The following GNB1 variants were observed in gnomAD, a reference collection of about 807,000 sequenced individuals.
GNB1 encodes the protein G protein subunit beta 1, also known as guanine nucleotide-binding protein G(I)/G(S)/G(T) subunit beta-1.
Under a neutral mutation model 42.9 loss-of-function variants are expected in GNB1, and 2 were observed. The observed-to-expected ratio is 0.05, with a 90% CI of 0.02 to 0.15. The LOEUF is 0.15. Among genes scored for constraint, GNB1 ranks in the 10% least tolerant of loss-of-function variants. GNB1 has a pLI of 1.00. For missense variants in GNB1, 193 were observed against 462.2 expected (o/e 0.42, Z 5.34); for synonymous variants, 183 against 174.7 (o/e 1.05, Z -0.38).
At chr1:1,848,042 G>C (rs888622393) in intron 1 of GNB1, among the ~76,000 whole-genome samples, 1 of 148,428 alleles carries the variant, frequency 6.7e-6, no homozygotes, top group Non-Finnish European at 1.5e-5. Context: ...TAAAACTAAA[G>C]CATACAACAG....
intron 3 of GNB1, among the ~76,000 whole-genome samples, chr1:1,823,517 A>G (rs1358111967): frequency 6.6e-6 from 1 of 152,188 alleles, no homozygotes; most frequent in Non-Finnish European, 1.5e-5. Context: ...ATCAAACTAA[A>G]TATTTCAGAA....
At position 1,847,105 on chromosome 1, in the gene GNB1, TAGTA is replaced by T. The variant is rs1165625338; in HGVS notation, c.-95-7871_-95-7868del. On this transcript the variant is annotated intron_variant, in intron 1 of 11. Transcript: ENST00000378609. ...AAAAACTGCCACAAAGGACACTTATTAGTAAGGAAGAAAAGTGAGCCCCAGCACT... is the reference window on the plus strand; with the variant it reads ...AAAAACTGCCACAAAGGACACTTATTAGGAAGAAAAGTGAGCCCCAGCACT... 2.0e-5 allele frequency among the ~76,000 whole-genome samples: 3 copies of T among 151,704 alleles called. No individual in the cohort carries two copies. In the East Asian group the frequency reaches 5.8e-4, roughly 29 times the overall value.
At chr1:1,803,226 A>T (rs1340585061) in intron 7 of GNB1, among the ~76,000 whole-genome samples, 1 of 152,246 alleles carries the variant, frequency 6.6e-6, no homozygotes, top group Non-Finnish European at 1.5e-5. Context: ...GCCTTTCATG[A>T]TGAATTAGTG....
intron 10 of GNB1, 66 bp downstream of exon 10, chr1:1,788,986 TC>T: frequency 8.8e-7 from 1 of 1,133,308 alleles, no homozygotes; most frequent in East Asian, 2.4e-5. Context: ...ATGCAACCAC[TC>T]TGTGTTTGCT....
chr1:1,868,169 T>C (rs1389891473), intron 1 of GNB1, among the ~76,000 whole-genome samples: 1 of 152,052 alleles, frequency 6.6e-6, no homozygotes, highest in African/African-American at 2.4e-5. Flanking sequence ...ATATAGTGTG[T>C]GTTTTGTTTT....
In GNB1 at chr1:1,852,686, G is replaced by GA. The variant is rs796226364; in HGVS notation, c.-95-13449dup. ...GCAACAGTGAGACTCTGTCTCTTAA[G>GA]AAAAAAAAAAAAAAGTGAATGTCTT... is the stretch of plus-strand genomic sequence containing the variant. On this transcript the variant is annotated intron_variant, in intron 1 of 11. Coordinates refer to ENST00000378609, the MANE Select transcript of GNB1 (RefSeq NM_002074.5). 6.2e-3 allele frequency among the ~76,000 whole-genome samples: 816 copies of GA among 131,930 alleles called. 3 individuals are homozygous for GA. The highest frequency in any genetic ancestry group is 0.012 in the African/African-American group (417 of 35,828). 86.6% of individuals were successfully genotyped at this position (131,930 alleles called of 152,430 possible).
At chr1:1,869,402 G>A (rs1473611747) in intron 1 of GNB1, among the ~76,000 whole-genome samples, 1 of 151,996 alleles carries the variant, frequency 6.6e-6, no homozygotes, top group Non-Finnish European at 1.5e-5. Flanking sequence ...ATGCCCAAGA[G>A]CTTAATTACA....
chr1:1,823,005 G>A (rs1399025979), intron 3 of GNB1, among the ~76,000 whole-genome samples: 2 of 152,052 alleles, frequency 1.3e-5, no homozygotes, highest in Admixed American at 6.6e-5. Context: ...CACTTTGGGA[G>A]GCCGAGGTGG....
At chr1:1,880,431 AC>A (rs1431346489) in intron 1 of GNB1, among the ~76,000 whole-genome samples, 1 of 152,020 alleles carries the variant, frequency 6.6e-6, no homozygotes, top group East Asian at 1.9e-4. Context: ...TACTAAAAAT[AC>A]AAAAAATTAG....
At chr1:1,871,597 TCA>T in intron 1 of GNB1, among the ~76,000 whole-genome samples, 1 of 152,098 alleles carries the variant, frequency 6.6e-6, no homozygotes, top group African/African-American at 2.4e-5. Context: ...CCACCGACCA[TCA>T]CAAAAACAGA....
At chr1:1,841,773 G>A (rs1647251145) in intron 1 of GNB1, among the ~76,000 whole-genome samples, 1 of 152,146 alleles carries the variant, frequency 6.6e-6, no homozygotes, top group South Asian at 2.1e-4. Context: ...AAATGAGTGT[G>A]GAAGGAAAAC....
intron 1 of GNB1, among the ~76,000 whole-genome samples, chr1:1,868,015 C>T (rs1649038579): frequency 6.6e-6 from 1 of 152,182 alleles, no homozygotes; most frequent in African/African-American, 2.4e-5. Flanking sequence ...GAACTCCCCT[C>T]AAATATTTAC....
rs1231842600 is a variant in GNB1, at chr1:1,804,503, C to T, written c.346G>A (p.Gly116Ser). The T allele has an allele frequency of 6.2e-7, 1 of 1,613,452 alleles. No individual in the cohort carries two copies. The highest frequency in any genetic ancestry group is 8.5e-7 in the Non-Finnish European group (1 of 1,179,452). The change falls in exon 7 of 12, where the codon GGC (glycine) becomes AGC (serine). Residue 116 changes from glycine to serine, a missense_variant. Physicochemically the swap from Gly to Ser is moderately conservative, Grantham distance 56. Around this residue, in one of 2 missense-constraint regions of GNB1, gnomAD observed 150 missense variants for 410.8 expected, o/e 0.37. Transcript: ENST00000378609. The stretch of plus-strand genomic sequence containing the variant: ...TAAATGGAGCAAATGTTATCCAGGC[C>T]ACCGCAGGCCACATAGTTCCCAGAA... ...APSGNYVACG[G>S]LDNICSIYNL...
At chr1:1,824,257 TATAAA>T (rs1337312496) in intron 3 of GNB1, among the ~76,000 whole-genome samples, 1 of 152,242 alleles carries the variant, frequency 6.6e-6, no homozygotes, top group Non-Finnish European at 1.5e-5. Context: ...AATGTTTCTC[TATAAA>T]ATATTTACTA....
chr1:1,862,249 T>C (rs145570956), intron 1 of GNB1, among the ~76,000 whole-genome samples: 67 of 152,260 alleles, frequency 4.4e-4, no homozygotes, highest in African/African-American at 1.5e-3. Flanking sequence ...AAAGTGTATA[T>C]GTTAGCAGAG....
rs980823376 is a variant in GNB1 at position 1,889,978 on chromosome 1, A to G, written c.-96+842T>C. Among the ~76,000 whole-genome samples, 6 of 151,010 alleles carry G rather than the reference A, an allele frequency of 4.0e-5. No individual in the cohort carries two copies. The East Asian group carries it at 7.9e-4, about 20-fold the overall frequency. ...CTCTCCCCCACCTTCGGGCCTTCGG[A>G]ATATCGCAAACCGGGCCCCGAAACT... On this transcript the variant is annotated intron_variant, in intron 1 of 11. Transcript: ENST00000378609.
At chr1:1,821,736 C>T (rs779689922) in intron 3 of GNB1, among the ~76,000 whole-genome samples, 1 of 152,224 alleles carries the variant, frequency 6.6e-6, no homozygotes, top group Non-Finnish European at 1.5e-5. Context: ...CTGCTGCGCA[C>T]AGCAAACGGA....
chr1:1,869,185 CAAAAAAAAAAA>C (rs71578347), intron 1 of GNB1, among the ~76,000 whole-genome samples: 27 of 26,750 alleles, frequency 1.0e-3, no homozygotes, highest in African/African-American at 2.7e-3. Context: ...GACACCTTCT[CAAAAAAAAAAA>C]AAAAAAAAAA....
At position 1,787,456 on chromosome 1, in the gene GNB1, A is replaced by C. The variant is rs1441951485; in HGVS notation, c.917-19T>G. ...AAGACACCTGGGAGCAAACAACAGC[A>C]GAATCACACCAAAGCCCAGAGGCAT... On this transcript the variant is annotated intron_variant, in intron 10 of 11. Transcript: ENST00000378609. The surrounding 1 kb of genome is among the most constrained non-coding windows in gnomAD (Gnocchi z 4.4). 6.8e-7 allele frequency: 1 copy of C among 1,472,122 alleles called. No individual in the cohort carries two copies. The highest frequency in any genetic ancestry group is 1.1e-5 in the South Asian group (1 of 87,998). 91.2% of individuals were successfully genotyped at this position (1,472,122 alleles called of 1,614,324 possible).
Sources: allele counts gnomAD v4.1 joint callset (sites outside exome capture counted in the v4.1 genomes callset), GRCh38; gene constraint gnomAD v4.1.1; regional missense constraint gnomAD v4.1.1; non-coding constraint Gnocchi (gnomAD v3.1); transcripts MANE v1.5; gene names NCBI Gene and HGNC (gene_info 2026-07-23, HGNC 2026-07-21).